The following LAMA2 variants were observed in gnomAD, a reference collection of about 807,000 sequenced individuals.
LAMA2 encodes laminin subunit alpha 2.
LAMA2 carries 269 observed loss-of-function variants against 364.8 expected under a neutral mutation model. The observed-to-expected ratio is 0.74, with a 90% CI of 0.67 to 0.82. The LOEUF is 0.82. Among genes scored for constraint, LAMA2 ranks in the 40% least tolerant of loss-of-function variants. LAMA2 has a pLI of 0.00. For missense variants in LAMA2, 3,807 were observed against 3,873.2 expected (o/e 0.98, Z 0.45); for synonymous variants, 1,379 against 1,370.6 (o/e 1.01, Z -0.14).
intron 9 of LAMA2, among the ~76,000 whole-genome samples, chr6:129,176,823 T>G (rs1168312249): frequency 1.3e-5 from 2 of 152,124 alleles, no homozygotes; most frequent in Non-Finnish European, 2.9e-5. Flanking sequence ...GTTTATCTCT[T>G]GTGCACATTA....
At chr6:128,901,502 T>C (rs1020007342) in intron 1 of LAMA2, among the ~76,000 whole-genome samples, 2 of 152,090 alleles carry the variant, frequency 1.3e-5, no homozygotes, top group Non-Finnish European at 2.9e-5. Flanking sequence ...CTTAAAAGGT[T>C]AGTGAAGAGG....
intron 4 of LAMA2, among the ~76,000 whole-genome samples, chr6:129,129,699 C>T (rs978724284): frequency 4.6e-5 from 7 of 151,830 alleles, no homozygotes; most frequent in Non-Finnish European, 8.8e-5. Flanking sequence ...CCGAGGCGGG[C>T]GGATCACGAG....
chr6:129,232,973 G>A (rs542996183), intron 12 of LAMA2, among the ~76,000 whole-genome samples: 24 of 152,218 alleles, frequency 1.6e-4, no homozygotes, highest in Non-Finnish European at 2.9e-4. Flanking sequence ...CTGGAAAAGA[G>A]CATTGGCTGA....
At chr6:128,929,956 C>T (rs1356284375) in intron 1 of LAMA2, 8 of 698,942 alleles carry the variant, frequency 1.1e-5, no homozygotes, top group African/African-American at 1.1e-4. Flanking sequence ...GGACCCACCA[C>T]TCCCTCATCC....
chr6:129,486,643 TTTA>T lies in LAMA2; in HGVS notation c.7898+27_7898+29del, dbSNP rs764440483. 3.7e-6 allele frequency: 6 copies of T among 1,607,470 alleles called. No individual in the cohort carries two copies. In the Admixed American group the frequency reaches 1.0e-4, roughly 27 times the overall value. ...AGAGGGTAACAATAGCACTAAAATA[TTTA>T]TTATTGTAACTCAGGTGAACTTCCT... On this transcript the variant is annotated intron_variant, in intron 56 of 64. Transcript: ENST00000421865.
intron 4 of LAMA2, among the ~76,000 whole-genome samples, chr6:129,142,308 G>T (rs559960008): frequency 6.6e-6 from 1 of 152,030 alleles, no homozygotes; most frequent in African/African-American, 2.4e-5. Flanking sequence ...CAGGGTGTCC[G>T]CATGGTTATG....
At position 129,280,167 on chromosome 6, in the gene LAMA2, T is replaced by C. The variant is rs991517070; in HGVS notation, c.2537+20T>C. 1.4e-6 allele frequency: 2 copies of C among 1,458,304 alleles called. No individual in the cohort carries two copies. Among genetic ancestry groups the C allele is most frequent in the South Asian group, 1.1e-5 (1 of 87,884 alleles). The allele number at this position is 1,458,304 out of a possible 1,614,324, so 90.3% of individuals were successfully genotyped here. Reference sequence around the variant, plus strand: ...TGAGAGGTAAGAGTATACTACACTGTCTTGCAAAATGATTTCTACCTTGGG... The same window carrying C: ...TGAGAGGTAAGAGTATACTACACTGCCTTGCAAAATGATTTCTACCTTGGG... On this transcript the variant is annotated intron_variant, in intron 18 of 64. Coordinates refer to ENST00000421865, the MANE Select transcript of LAMA2 (RefSeq NM_000426.4).
At chr6:129,097,872 T>G (rs1214995987) in intron 3 of LAMA2, among the ~76,000 whole-genome samples, 1 of 152,200 alleles carries the variant, frequency 6.6e-6, no homozygotes, top group Non-Finnish European at 1.5e-5. Flanking sequence ...AATAAATGTT[T>G]TAGGTGGTAA....
At chr6:129,101,895 A>G (rs1267192059) in intron 4 of LAMA2, among the ~76,000 whole-genome samples, 1 of 152,204 alleles carries the variant, frequency 6.6e-6, no homozygotes, top group East Asian at 1.9e-4. Context: ...CTAATTAAAA[A>G]TGACTTGGAA....
intron 10 of LAMA2, among the ~76,000 whole-genome samples, chr6:129,188,302 T>C (rs1781347230): frequency 6.6e-6 from 1 of 151,978 alleles, no homozygotes; most frequent in Non-Finnish European, 1.5e-5. Context: ...TATTTAATCA[T>C]ATTTTTTCAA....
Position 128,942,968 on chromosome 6 carries a change from T to A in LAMA2, c.112+59611T>A, listed in dbSNP as rs537026662. On this transcript the variant is annotated intron_variant, in intron 1 of 64. Coordinates refer to ENST00000421865, the MANE Select transcript of LAMA2 (RefSeq NM_000426.4). ...ACCATCTGTGCAAGATTTTCTCAGA[T>A]GTCCTCTATAAGACTTTCATTGTCA... 1.2e-4 allele frequency among the ~76,000 whole-genome samples: 19 copies of A among 152,358 alleles called. 1 individual carries two copies. The South Asian group carries it at 3.3e-3, about 27-fold the overall frequency.
chr6:129,270,895 T>C, intron 17 of LAMA2, 144 bp downstream of exon 17: 4 of 902,310 alleles, frequency 4.4e-6, no homozygotes, highest in Non-Finnish European at 6.9e-6. Context: ...TATATGAATT[T>C]TTTCAAACCT....
intron 3 of LAMA2, among the ~76,000 whole-genome samples, chr6:129,097,130 G>A (rs1374542990): frequency 6.6e-6 from 1 of 152,160 alleles, no homozygotes; most frequent in Admixed American, 6.5e-5. Flanking sequence ...GAGCTGCCAA[G>A]CTCTCATACC....
At chr6:129,019,154 C>T (rs781264165) in intron 1 of LAMA2, among the ~76,000 whole-genome samples, 3 of 152,052 alleles carry the variant, frequency 2.0e-5, no homozygotes, top group Non-Finnish European at 4.4e-5. Flanking sequence ...TGCTGGAGCA[C>T]ATCCTCAAAT....
chr6:129,329,403 G>A (rs1345449951), intron 29 of LAMA2, among the ~76,000 whole-genome samples: 8 of 151,626 alleles, frequency 5.3e-5, no homozygotes, highest in South Asian at 4.2e-4. Context: ...TCACTCTGTC[G>A]TGCAGGCTGG....
At chr6:128,912,743 C>G (rs1778059311) in intron 1 of LAMA2, among the ~76,000 whole-genome samples, 1 of 152,184 alleles carries the variant, frequency 6.6e-6, no homozygotes, top group Non-Finnish European at 1.5e-5. Context: ...TTCATACAGT[C>G]AGGCTGAATG....
intron 22 of LAMA2, among the ~76,000 whole-genome samples, chr6:129,303,117 G>T (rs1306202009): frequency 1.3e-5 from 2 of 152,006 alleles, no homozygotes; most frequent in Admixed American, 1.3e-4. Flanking sequence ...TTTTTAGGTT[G>T]TTATAATTTT....
chr6:128,928,809 GT>G (rs1316758591), intron 1 of LAMA2, among the ~76,000 whole-genome samples: 22 of 152,356 alleles, frequency 1.4e-4, no homozygotes, highest in Admixed American at 1.4e-3. Context: ...GTCAACCTTA[GT>G]CAGAGCTCCT....
intron 36 of LAMA2, among the ~76,000 whole-genome samples, chr6:129,392,353 A>T (rs1779368184): frequency 6.6e-6 from 1 of 152,216 alleles, no homozygotes; most frequent in Admixed American, 6.5e-5. Context: ...CTTGTTAAAA[A>T]TACAGATTGT....
Sources: allele counts gnomAD v4.1 joint callset (sites outside exome capture counted in the v4.1 genomes callset), GRCh38; gene constraint gnomAD v4.1.1; transcripts MANE v1.5; gene names NCBI Gene and HGNC (gene_info 2026-07-23, HGNC 2026-07-21).